The following CAP2 variants were observed in gnomAD, a reference collection of about 807,000 sequenced individuals.
CAP2 encodes the protein adenylyl cyclase-associated protein 2.
A neutral mutation model predicts 57.7 loss-of-function variants in CAP2; 24 were observed. That is an observed-to-expected ratio of 0.42 (90% CI 0.30 to 0.58). The LOEUF is 0.58. Ranked by LOEUF, CAP2 falls within the 20% of genes least tolerant of loss-of-function variation. The pLI is 0.22. For synonymous variants in CAP2, 194 were observed against 207.2 expected (o/e 0.94, Z 0.55); for missense variants, 501 against 590.3 (o/e 0.85, Z 1.57).
intron 3 of CAP2, among the ~76,000 whole-genome samples, chr6:17,431,936 C>T (rs148502148): frequency 4.0e-4 from 60 of 151,856 alleles, no homozygotes; most frequent in African/African-American, 1.4e-3. Flanking sequence ...GGGAAGATGC[C>T]CTGAGAAACA....
At chr6:17,526,673 A>G (rs1762518373) in intron 7 of CAP2, among the ~76,000 whole-genome samples, 1 of 152,016 alleles carries the variant, frequency 6.6e-6, no homozygotes, top group Non-Finnish European at 1.5e-5. Context: ...AACAGAACAC[A>G]CAGGCTGGGC....
intron 1 of CAP2, among the ~76,000 whole-genome samples, chr6:17,400,864 CAAAAAA>C (rs11323666): frequency 1.9e-5 from 2 of 104,246 alleles, no homozygotes; most frequent in African/African-American, 6.2e-5. Flanking sequence ...GACTCCGTCT[CAAAAAA>C]AAAAAAAAAA....
Position 17,393,998 on chromosome 6 carries a change from G to GC in CAP2, c.-2+257dup, listed in dbSNP as rs947928944. On this transcript the variant is annotated intron_variant, in intron 1 of 12. Coordinates refer to ENST00000229922, the MANE Select transcript of CAP2 (RefSeq NM_006366.3). ...CTGGGTCAGCGGAGCGGCGCGCCCT[G>GC]CCCCCGCCTCCCCAGCTCCGGCGTC... Among the ~76,000 whole-genome samples, 461 of 148,846 alleles carry GC rather than the reference G, an allele frequency of 3.1e-3. 3 individuals carry two copies. Among genetic ancestry groups the GC allele is most frequent in the African/African-American group, 0.011 (440 of 41,102 alleles).
chr6:17,401,234 AACCAAGGGAG>A (rs1157654189), intron 1 of CAP2, among the ~76,000 whole-genome samples: 1 of 152,190 alleles, frequency 6.6e-6, no homozygotes, highest in Non-Finnish European at 1.5e-5. Context: ...TATGAAAGAG[AACCAAGGGAG>A]ACCCTTTGCT....
At chr6:17,442,355 G>C (rs1561785028) in intron 3 of CAP2, among the ~76,000 whole-genome samples, 1 of 152,196 alleles carries the variant, frequency 6.6e-6, no homozygotes, top group African/African-American at 2.4e-5. Context: ...AACCTGTGGA[G>C]CACCTGCCCT....
intron 3 of CAP2, among the ~76,000 whole-genome samples, chr6:17,434,953 G>A: frequency 6.9e-6 from 1 of 144,858 alleles, no homozygotes; most frequent in East Asian, 2.1e-4. Flanking sequence ...CTGGCCATCA[G>A]AGAAATGCAA....
intron 7 of CAP2, among the ~76,000 whole-genome samples, chr6:17,521,540 G>A (rs1561814421): frequency 6.6e-6 from 1 of 152,174 alleles, no homozygotes; most frequent in South Asian, 2.1e-4. Flanking sequence ...AAACCAATAT[G>A]GCTTAAGCAT....
At chr6:17,399,814 T>A (rs545207449) in intron 1 of CAP2, among the ~76,000 whole-genome samples, 33 of 152,324 alleles carry the variant, frequency 2.2e-4, no homozygotes, top group African/African-American at 7.9e-4. Context: ...AGGGGTATTC[T>A]GAGAGGCTGA....
At chr6:17,398,553 CTT>C (rs1380641424) in intron 1 of CAP2, among the ~76,000 whole-genome samples, 3 of 147,948 alleles carry the variant, frequency 2.0e-5, no homozygotes, top group Admixed American at 6.8e-5. Flanking sequence ...GAGACAGAGT[CTT>C]GCTCTGTCGC....
intron 7 of CAP2, among the ~76,000 whole-genome samples, chr6:17,532,460 T>C (rs901487163): frequency 5.4e-5 from 8 of 146,980 alleles, no homozygotes; most frequent in African/African-American, 2.0e-4. Flanking sequence ...AATCTTAGAG[T>C]TTAGGTAGGG....
rs547978213 is a variant in CAP2, at chr6:17,407,321, T to C, written c.-2+13575T>C. On this transcript the variant is annotated intron_variant, in intron 1 of 12. Transcript: ENST00000229922. ...AAACCCCTGATTGATTGTGTTGAAGTAATAAATTGAAGCTGGGTGTGGTGG... is the reference window on the plus strand; with the variant it reads ...AAACCCCTGATTGATTGTGTTGAAGCAATAAATTGAAGCTGGGTGTGGTGG... Among the ~76,000 whole-genome samples the C allele has an allele frequency of 3.9e-5, 6 of 152,242 alleles. No individual in the cohort carries two copies. The South Asian group carries it at 1.0e-3, about 26-fold the overall frequency.
At chr6:17,524,498 G>A (rs1762458375) in intron 7 of CAP2, among the ~76,000 whole-genome samples, 1 of 152,186 alleles carries the variant, frequency 6.6e-6, no homozygotes, top group Non-Finnish European at 1.5e-5. Context: ...CAGCTTCTAT[G>A]GCAGCAGCAA....
chr6:17,421,999 C>T (rs1759462474), intron 2 of CAP2, among the ~76,000 whole-genome samples: 1 of 152,242 alleles, frequency 6.6e-6, no homozygotes, highest in Non-Finnish European at 1.5e-5. Flanking sequence ...CTCCCTGCCT[C>T]GGCCTCCCGA....
chr6:17,405,464 C>T (rs986764820), intron 1 of CAP2, among the ~76,000 whole-genome samples: 4 of 151,808 alleles, frequency 2.6e-5, no homozygotes, highest in African/African-American at 9.7e-5. Flanking sequence ...AACTTCATTG[C>T]AATATACCAT....
intron 7 of CAP2, chr6:17,531,024 T>G: frequency 1.0e-6 from 1 of 965,996 alleles, no homozygotes; most frequent in Non-Finnish European, 1.7e-6. Flanking sequence ...CCACAGGAAG[T>G]TATTTGCTTC....
chr6:17,451,232 A>T (rs62393835), intron 3 of CAP2, among the ~76,000 whole-genome samples: 34 of 29,700 alleles, frequency 1.1e-3, no homozygotes, highest in African/African-American at 4.2e-3. Flanking sequence ...TCTTCTATCC[A>T]AAAAAAAAAA....
chr6:17,538,405 A>G (rs778576494), intron 7 of CAP2, among the ~76,000 whole-genome samples: 2 of 151,510 alleles, frequency 1.3e-5, no homozygotes, highest in Non-Finnish European at 2.9e-5. Context: ...GCAGTGAGCT[A>G]TGTTCACGCC....
At chr6:17,467,844 G>T (rs1441790134) in intron 4 of CAP2, among the ~76,000 whole-genome samples, 1 of 152,060 alleles carries the variant, frequency 6.6e-6, no homozygotes, top group Non-Finnish European at 1.5e-5. Context: ...ATTTTAAAAT[G>T]TGCAATTATT....
intron 1 of CAP2, among the ~76,000 whole-genome samples, chr6:17,411,865 C>T (rs188725568): frequency 2.0e-5 from 3 of 152,130 alleles, no homozygotes; most frequent in South Asian, 2.1e-4. Context: ...TGTAAACAAG[C>T]GCAAAGGGGC....
Sources: gnomAD v4.1 joint callset for allele counts (sites outside exome capture counted in the v4.1 genomes callset) on GRCh38, gnomAD v4.1.1 for gene constraint, MANE v1.5 for transcripts, NCBI Gene and HGNC (gene_info 2026-07-23, HGNC 2026-07-21) for gene names.